Variants in ZNF469 observed in about 807,000 individuals in gnomAD.
ZNF469 encodes zinc finger protein 469.
Under a neutral mutation model 1.0 loss-of-function variants are expected in ZNF469, and 1 was observed. The observed-to-expected ratio is 1.00, with a 90% CI of 0.35 to 4.73. The LOEUF (loss-of-function observed/expected upper bound fraction) is 4.73, where lower values mean the gene tolerates loss of function less well. ZNF469 is among the 30% of genes most tolerant of loss of function. ZNF469 has a pLI of 0.16. For missense variants in ZNF469, 6,100 were observed against 5,356.3 expected (o/e 1.14, Z -4.33); for synonymous variants, 2,703 against 2,363.4 (o/e 1.14, Z -4.17).
chr16:88,222,248 A>G, the ZNF469 span, among the ~76,000 whole-genome samples: 1 of 152,194 alleles, frequency 6.6e-6, no homozygotes, highest in Admixed American at 6.5e-5. Context: ...ATTGATTCCC[A>G]GAGCTCACAG....
chr16:88,433,809 C>T lies in ZNF469; in HGVS notation c.6339C>T (p.Cys2113=), dbSNP rs1216529310. The T allele has an allele frequency of 3.3e-5, 51 of 1,549,644 alleles. No homozygotes were observed. The highest frequency in any genetic ancestry group is 4.1e-5 in the Non-Finnish European group (47 of 1,146,838). The part of the protein sequence containing the change: ...PAPSVGDLAA[C]APSPTSAAHM... ...CCTCTGTCGGGGACCTGGCCGCCTG[C>T]GCCCCCTCACCCACTTCAGCCGCCC... Residue 2113 remains cysteine (C), a synonymous_variant, in exon 3 of 3, where the codon TGC becomes TGT. Transcript: ENST00000565624.
upstream of ZNF469, among the ~76,000 whole-genome samples, chr16:88,378,928 T>G (rs1166117488): frequency 6.6e-6 from 1 of 152,264 alleles, no homozygotes; most frequent in African/African-American, 2.4e-5. Context: ...GGGGCAGGCG[T>G]GGGCCCACAC....
rs1286919945 is a variant in ZNF469 at position 88,431,824 on chromosome 16, T to A, written c.4354T>A (p.Ser1452Thr). 2 of 1,549,420 alleles carry A rather than the reference T, an allele frequency of 1.3e-6. No homozygotes were observed. The highest frequency in any genetic ancestry group is 2.0e-5 in the Admixed American group (1 of 50,976). ...GGCTGCATCGCCACCGACCTTGGAG[T>A]CCTCATCCCTCTTCCCAGACCTGCC... Reference protein sequence around the residue: ...GRAASPPTLESSSLFPDLPVD... With the variant: ...GRAASPPTLETSSLFPDLPVD... The change falls in exon 3 of 3, where the codon TCC becomes ACC. Residue 1452 changes from serine (S) to threonine (T), a missense_variant. Physicochemically the swap from Ser to Thr is moderately conservative, Grantham distance 58. Transcript: ENST00000565624.
the ZNF469 span, among the ~76,000 whole-genome samples, chr16:88,114,015 A>G: frequency 6.6e-6 from 1 of 152,162 alleles, no homozygotes; most frequent in Non-Finnish European, 1.5e-5. Flanking sequence ...GGCGAGCACC[A>G]TGGGTGGCTA....
At chr16:88,118,798 T>C in the ZNF469 span, among the ~76,000 whole-genome samples, 7 of 152,240 alleles carry the variant, frequency 4.6e-5, no homozygotes, top group Non-Finnish European at 1.0e-4. Context: ...ACCAGTAAGA[T>C]GTTTCCGGCA....
chr16:88,430,644 G>A lies in ZNF469; in HGVS notation c.3174G>A (p.Lys1058=). 2 of 1,496,416 alleles carry A rather than the reference G, an allele frequency of 1.3e-6. No homozygotes were observed. The highest frequency in any genetic ancestry group is 2.7e-5 in the East Asian group (1 of 36,846). The allele number at this position is 1,496,416 out of a possible 1,614,324, so 92.7% of individuals were successfully genotyped here. A position where few individuals can be genotyped will look rare whatever the true frequency, so the allele number is the denominator to read the frequency against. The change falls in exon 3 of 3, where the codon AAG becomes AAA. Residue 1058 remains lysine (K), a synonymous_variant. Coordinates refer to ENST00000565624, the MANE Select transcript of ZNF469 (RefSeq NM_001367624.2). The part of the protein sequence containing the change: ...KELILKIVQQ[K]NRRHRRLGRR... ...TCATTCTGAAGATCGTGCAGCAGAA[G>A]AACAGGCGCCACCGGCGGCTGGGGC...
chr16:88,235,565 G>A, the ZNF469 span, among the ~76,000 whole-genome samples: 1 of 152,228 alleles, frequency 6.6e-6, no homozygotes, highest in Non-Finnish European at 1.5e-5. Flanking sequence ...TTTCAGTAGC[G>A]GGACGGGAAC....
At chr16:88,160,632 G>C in the ZNF469 span, among the ~76,000 whole-genome samples, 1 of 152,148 alleles carries the variant, frequency 6.6e-6, no homozygotes, top group African/African-American at 2.4e-5. Flanking sequence ...CTTCCCTCTG[G>C]GGATCAGGTG....
At position 88,433,182 on chromosome 16, in the gene ZNF469, G is replaced by A; in HGVS notation, c.5712G>A (p.Gln1904=). 1 of 1,550,310 alleles carries A rather than the reference G, an allele frequency of 6.5e-7. No homozygotes were observed. The highest frequency in any genetic ancestry group is 1.4e-5 in the African/African-American group (1 of 73,146). The part of the protein sequence containing the change: ...QDPALSPPIR[Q]LQLPGPGVAK... ...CAGCTTTGAGCCCCCCCATACGTCA[G>A]CTCCAGCTCCCAGGGCCTGGAGTGG... Residue 1904 remains glutamine, a synonymous_variant, in exon 3 of 3, where the codon CAG becomes CAA. Coordinates refer to ENST00000565624, the MANE Select transcript of ZNF469 (RefSeq NM_001367624.2).
At chr16:88,245,118 A>G in the ZNF469 span, among the ~76,000 whole-genome samples, 1 of 152,150 alleles carries the variant, frequency 6.6e-6, no homozygotes, top group African/African-American at 2.4e-5. Flanking sequence ...ATCAAGGGTC[A>G]TGTTGCTATG....
the ZNF469 span, among the ~76,000 whole-genome samples, chr16:88,336,641 C>T: frequency 2.0e-5 from 3 of 152,154 alleles, no homozygotes; most frequent in Non-Finnish European, 4.4e-5. Flanking sequence ...GTGCCAACAG[C>T]ACATATGTCC....
chr16:88,307,596 T>C, the ZNF469 span, among the ~76,000 whole-genome samples: 1 of 152,372 alleles, frequency 6.6e-6, no homozygotes, highest in Non-Finnish European at 1.5e-5. Context: ...TGACGGCTAA[T>C]GATATCAGTG....
chr16:88,212,645 A>G, the ZNF469 span, among the ~76,000 whole-genome samples: 1 of 152,120 alleles, frequency 6.6e-6, no homozygotes, highest in Non-Finnish European at 1.5e-5. Flanking sequence ...AGGTGGTGCC[A>G]TCTTGACTCA....
the ZNF469 span, among the ~76,000 whole-genome samples, chr16:88,318,363 T>G: frequency 6.6e-6 from 1 of 151,928 alleles, no homozygotes; most frequent in Non-Finnish European, 1.5e-5. Flanking sequence ...CTGCCCCCCC[T>G]TCCTCCTCTC....
At chr16:88,155,296 G>T in the ZNF469 span, among the ~76,000 whole-genome samples, 7 of 152,258 alleles carry the variant, frequency 4.6e-5, no homozygotes, top group African/African-American at 1.7e-4. Flanking sequence ...CCACTGTTTT[G>T]AATGACGGCT....
the ZNF469 span, among the ~76,000 whole-genome samples, chr16:88,220,668 G>A: frequency 6.6e-6 from 1 of 152,020 alleles, no homozygotes; most frequent in Non-Finnish European, 1.5e-5. Context: ...GGGAGAGGTC[G>A]CACTGTCCAG....
chr16:88,275,780 CA>C, the ZNF469 span, among the ~76,000 whole-genome samples: 2 of 152,208 alleles, frequency 1.3e-5, no homozygotes, highest in African/African-American at 4.8e-5. Context: ...GTGGGGCTGG[CA>C]GCGTGGTCCT....
chr16:88,425,883 G>A (rs1474278314), intron 2 of ZNF469, among the ~76,000 whole-genome samples: 1 of 152,198 alleles, frequency 6.6e-6, no homozygotes, highest in Admixed American at 6.5e-5. Context: ...GTGTGATGTG[G>A]AGTTTGCAGG....
At chr16:88,230,064 A>T in the ZNF469 span, among the ~76,000 whole-genome samples, 2 of 152,194 alleles carry the variant, frequency 1.3e-5, no homozygotes, top group African/African-American at 4.8e-5. Context: ...TCCAAAGTCC[A>T]GTGTCCCTTT....
Sources: gnomAD v4.1 joint callset for allele counts (sites outside exome capture counted in the v4.1 genomes callset) on GRCh38, gnomAD v4.1.1 for gene constraint, MANE v1.5 for transcripts, NCBI Gene and HGNC (gene_info 2026-07-23, HGNC 2026-07-21) for gene names.